GTF3C5: variants seen among roughly 807,000 people sequenced by gnomAD.
GTF3C5 encodes general transcription factor 3C polypeptide 5.
GTF3C5 carries 47 observed loss-of-function variants against 61.0 expected under a neutral mutation model. The ratio of observed to expected loss-of-function variants is 0.77; its 90% CI spans 0.61 to 0.98. GTF3C5 has a LOEUF of 0.98. GTF3C5 is among the 50% of genes least tolerant of loss of function. The pLI, the probability that GTF3C5 is intolerant of heterozygous loss-of-function variation, is 0.00. For synonymous variants in GTF3C5, 295 were observed against 275.4 expected (o/e 1.07, Z -0.71); for missense variants, 659 against 703.3 (o/e 0.94, Z 0.71).
intron 4 of GTF3C5, among the ~76,000 whole-genome samples, chr9:133,051,611 C>G (rs533011927): frequency 1.3e-5 from 2 of 152,358 alleles, no homozygotes; most frequent in Admixed American, 6.5e-5. Context: ...GCCCCAGCCC[C>G]CTGGCCCTCT....
In GTF3C5 at chr9:133,040,266, C is replaced by T. The variant is rs114451119; in HGVS notation, c.154-1821C>T. On this transcript the variant is annotated intron_variant, in intron 1 of 10. Coordinates refer to ENST00000372097, the MANE Select transcript of GTF3C5 (RefSeq NM_012087.4). ...CTGAGAACCAAGTCTTCTTCATTCT[C>T]TCCCGAGATAGTTCCTGATCACTTC... is the stretch of plus-strand genomic sequence containing the variant. Among the ~76,000 whole-genome samples, 692 of 152,338 alleles carry T rather than the reference C, an allele frequency of 4.5e-3. 10 individuals are homozygous for T. The highest frequency in any genetic ancestry group is 0.016 in the African/African-American group (657 of 41,580).
intron 1 of GTF3C5, among the ~76,000 whole-genome samples, chr9:133,041,687 A>G (rs925238106): frequency 1.3e-5 from 2 of 151,982 alleles, no homozygotes; most frequent in Non-Finnish European, 2.9e-5. Flanking sequence ...CTTTTCTTTT[A>G]TGTCTTTGTC....
chr9:133,054,645 T>G (rs117952678), intron 7 of GTF3C5, 67 bp from the exon 8 acceptor site: 1 of 1,453,384 alleles, frequency 6.9e-7, no homozygotes, highest in East Asian at 2.5e-5. Context: ...GGGCAGGGCA[T>G]GGTGGTTGGG....
At chr9:133,034,245 T>C (rs1849806931) in intron 1 of GTF3C5, among the ~76,000 whole-genome samples, 1 of 152,194 alleles carries the variant, frequency 6.6e-6, no homozygotes, top group South Asian at 2.1e-4. Context: ...CCGCCTCCCA[T>C]ATTGACTGGT....
chr9:133,037,377 G>A (rs1213112161), intron 1 of GTF3C5, among the ~76,000 whole-genome samples: 3 of 152,162 alleles, frequency 2.0e-5, no homozygotes, highest in Non-Finnish European at 4.4e-5. Flanking sequence ...GCAGTATTGG[G>A]ATAAGGGGAC....
intron 1 of GTF3C5, among the ~76,000 whole-genome samples, chr9:133,032,904 G>A (rs899789107): frequency 1.3e-5 from 2 of 152,148 alleles, no homozygotes; most frequent in Non-Finnish European, 2.9e-5. Flanking sequence ...TTATGGTTCC[G>A]TCAGGAACAG....
At chr9:133,031,256 C>A in intron 1 of GTF3C5, 92 bp downstream of exon 1, 1 of 1,159,090 alleles carries the variant, frequency 8.6e-7, no homozygotes, top group Non-Finnish European at 1.2e-6. Context: ...GGAAATTTAG[C>A]AAATTTACTT....
chr9:133,031,643 T>G (rs1849735086), intron 1 of GTF3C5, among the ~76,000 whole-genome samples: 1 of 152,224 alleles, frequency 6.6e-6, no homozygotes, highest in Admixed American at 6.5e-5. Context: ...GCAAATTTCC[T>G]TCTATAGAAG....
At chr9:133,038,546 G>A (rs1384066490) in intron 1 of GTF3C5, among the ~76,000 whole-genome samples, 1 of 151,262 alleles carries the variant, frequency 6.6e-6, no homozygotes, top group Non-Finnish European at 1.5e-5. Flanking sequence ...CGCCTCCCGG[G>A]TTCAAGCAGT....
At chr9:133,047,904 C>T (rs1432220008) in intron 3 of GTF3C5, among the ~76,000 whole-genome samples, 1 of 152,186 alleles carries the variant, frequency 6.6e-6, no homozygotes, top group Non-Finnish European at 1.5e-5. Context: ...GTGGGAGGAT[C>T]GCTTGAGCCC....
chr9:133,044,072 G>A (rs1229571776), intron 3 of GTF3C5, 146 bp downstream of exon 3: 1 of 601,342 alleles, frequency 1.7e-6, no homozygotes, highest in Non-Finnish European at 2.9e-6. Context: ...TTGAACCCAG[G>A]AGGCGGAGGT....
intron 4 of GTF3C5, 72 bp from the exon 5 acceptor site, chr9:133,051,988 A>G (rs755202597): frequency 2.6e-6 from 2 of 764,784 alleles, no homozygotes; most frequent in Non-Finnish European, 4.4e-6. Context: ...GGCCCAGAAC[A>G]TGTTGGGAGT....
chr9:133,037,425 C>A (rs1849898843), intron 1 of GTF3C5, among the ~76,000 whole-genome samples: 1 of 152,122 alleles, frequency 6.6e-6, no homozygotes, highest in Non-Finnish European at 1.5e-5. Flanking sequence ...ATGAGACTCT[C>A]AATGATAGGT....
Position 133,050,822 on chromosome 9 carries a change from G to T in GTF3C5, c.612G>T (p.Leu204=). The change falls in exon 4 of 11, where the codon CTG becomes CTT. Residue 204 remains leucine, a synonymous_variant. Coordinates refer to ENST00000372097, the MANE Select transcript of GTF3C5 (RefSeq NM_012087.4). ...ATCCCCCCATCTCAGGTGAGAATCTGATTGGCCTGAGCAGAGCCCGGCGCC... is the reference window on the plus strand; with the variant it reads ...ATCCCCCCATCTCAGGTGAGAATCTTATTGGCCTGAGCAGAGCCCGGCGCC... ...YNNPPISGEN[L]IGLSRARRPH... The T allele has an allele frequency of 6.2e-7, 1 of 1,614,028 alleles. No individual in the cohort carries two copies. Among genetic ancestry groups the T allele is most frequent in the African/African-American group, 1.3e-5 (1 of 75,046 alleles).
intron 3 of GTF3C5, among the ~76,000 whole-genome samples, chr9:133,045,825 T>C (rs1850185661): frequency 6.6e-6 from 1 of 152,032 alleles, no homozygotes; most frequent in South Asian, 2.1e-4. Flanking sequence ...TTAGCAGAAA[T>C]GAGGTTTCAC....
rs116007943 is a variant in GTF3C5, at chr9:133,042,509, A to G, written c.373+203A>G. On this transcript the variant is annotated intron_variant, in intron 2 of 10. Transcript: ENST00000372097. ...ACAGTTCCCCAGAGACTGCAGGTTC[A>G]TTGCTGCCCAATCTTCAGCATTCTT... is the stretch of plus-strand genomic sequence containing the variant. Among the ~76,000 whole-genome samples, 713 of 152,340 alleles carry G rather than the reference A, an allele frequency of 4.7e-3. 5 individuals carry two copies. Among genetic ancestry groups the G allele is most frequent in the African/African-American group, 0.014 (563 of 41,584 alleles).
At chr9:133,049,942 C>T (rs1414225545) in intron 3 of GTF3C5, among the ~76,000 whole-genome samples, 1 of 152,096 alleles carries the variant, frequency 6.6e-6, no homozygotes, top group Admixed American at 6.6e-5. Context: ...ACGTCGTCAC[C>T]CAGTGTCCGT....
chr9:133,054,478 CAAG>C lies in GTF3C5; in HGVS notation c.1064_1066del (p.Lys355del), dbSNP rs759149915. On this transcript the variant is annotated inframe_deletion, in exon 7 of 11. Coordinates refer to ENST00000372097, the MANE Select transcript of GTF3C5 (RefSeq NM_012087.4). The stretch of plus-strand genomic sequence containing the variant: ...ACAACTACAGCCTCCCCATCACCGT[CAAG>C]AAGACATGTAAGCGTGCCAGGCGCC... 1 of 1,614,056 alleles carries C rather than the reference CAAG, an allele frequency of 6.2e-7. No individual in the cohort carries two copies. Among genetic ancestry groups the C allele is most frequent in the Non-Finnish European group, 8.5e-7 (1 of 1,179,922 alleles).
chr9:133,050,978 G>C lies in GTF3C5; in HGVS notation c.768G>C (p.Lys256Asn). 6.2e-7 allele frequency: 1 copy of C among 1,602,902 alleles called. No individual in the cohort carries two copies. The change falls in exon 4 of 11, where the codon AAG (lysine) becomes AAC (asparagine). Residue 256 changes from lysine to asparagine, a missense_variant and splice_region_variant. Coordinates refer to ENST00000372097, the MANE Select transcript of GTF3C5 (RefSeq NM_012087.4). Reference protein sequence around the residue: ...VDRKVEEELRKLFDIRPIWSR... With the variant: ...VDRKVEEELRNLFDIRPIWSR... ...GGAAGGTGGAGGAGGAGCTGAGGAA[G>C]GCAAGTCCTGCGCTGCGCCTGGCCC...
Sources: allele counts gnomAD v4.1 joint callset (sites outside exome capture counted in the v4.1 genomes callset), GRCh38; gene constraint gnomAD v4.1.1; transcripts MANE v1.5; gene names NCBI Gene and HGNC (gene_info 2026-07-23, HGNC 2026-07-21).